The following ARHGAP18 variants were observed in gnomAD, a reference collection of about 807,000 sequenced individuals.
ARHGAP18 encodes rho GTPase-activating protein 18.
ARHGAP18 carries 67 observed loss-of-function variants against 86.2 expected under a neutral mutation model. The ratio of observed to expected loss-of-function variants is 0.78; its 90% CI spans 0.64 to 0.95. The LOEUF is 0.95. Among genes scored for constraint, ARHGAP18 ranks in the 40% least tolerant of loss-of-function variants. ARHGAP18 has a pLI of 0.00. For synonymous variants in ARHGAP18, 283 were observed against 280.4 expected (o/e 1.01, Z -0.09); for missense variants, 691 against 780.4 (o/e 0.89, Z 1.37).
At chr6:129,676,951 G>C (rs1374994427) in intron 1 of ARHGAP18, among the ~76,000 whole-genome samples, 1 of 102,088 alleles carries the variant, frequency 9.8e-6, no homozygotes, top group Non-Finnish European at 1.8e-5. Context: ...TTTTTTTTAA[G>C]GAAGGAAAAT....
chr6:129,684,132 G>C (rs1774384602), intron 1 of ARHGAP18, among the ~76,000 whole-genome samples: 1 of 152,216 alleles, frequency 6.6e-6, no homozygotes, highest in Admixed American at 6.5e-5. Context: ...TGACTCAGAT[G>C]TCAGGAGTGG....
intron 8 of ARHGAP18, among the ~76,000 whole-genome samples, chr6:129,609,663 C>T (rs1043670736): frequency 5.3e-5 from 8 of 151,220 alleles, no homozygotes; most frequent in Non-Finnish European, 8.8e-5. Context: ...TAGTGGCAAA[C>T]GTGCTATAGG....
Position 129,595,504 on chromosome 6 carries a change from G to C in ARHGAP18, c.1713+3712C>G, listed in dbSNP as rs144192012. On this transcript the variant is annotated intron_variant, in intron 12 of 14. Coordinates refer to ENST00000368149, the MANE Select transcript of ARHGAP18 (RefSeq NM_033515.3). Reference sequence around the variant, plus strand: ...TGAAGAGCATGGCTTTCAGGACTTTGCCACATGCTGCTGTTCTCTGGAAGA... The same window carrying C: ...TGAAGAGCATGGCTTTCAGGACTTTCCCACATGCTGCTGTTCTCTGGAAGA... Among the ~76,000 whole-genome samples the C allele has an allele frequency of 9.9e-3, 1,507 of 152,250 alleles. 8 individuals are homozygous for C. Among genetic ancestry groups the C allele is most frequent in the Non-Finnish European group, 0.017 (1,145 of 68,020 alleles).
In ARHGAP18 at chr6:129,641,877, G is replaced by C. The variant is rs779932719; in HGVS notation, c.255C>G (p.Ile85Met). The C allele has an allele frequency of 6.2e-7, 1 of 1,613,864 alleles. No individual in the cohort carries two copies. Among genetic ancestry groups the C allele is most frequent in the Non-Finnish European group, 8.5e-7 (1 of 1,179,900 alleles). Residue 85 changes from isoleucine (I) to methionine (M), a missense_variant, in exon 2 of 15, where the codon ATC becomes ATG. By Grantham distance (10) the Ile-to-Met change is conservative. Transcript: ENST00000368149. ...CTTGGCTGTTTTCACTAGATTTCTT[G>C]ATGTTTTCTAGTTCTATCCAATAGT... ...MEDYWIELEN[I>M]KKSSENSQED...
intron 1 of ARHGAP18, among the ~76,000 whole-genome samples, chr6:129,690,190 T>G (rs761426755): frequency 2.9e-4 from 44 of 152,066 alleles, no homozygotes; most frequent in Non-Finnish European, 6.0e-4. Context: ...TAAGTAAAAA[T>G]GCACCAACAA....
chr6:129,609,722 C>T (rs1035815553), intron 8 of ARHGAP18, among the ~76,000 whole-genome samples: 6 of 152,204 alleles, frequency 3.9e-5, no homozygotes, highest in Admixed American at 6.5e-5. Context: ...ACAAACACCA[C>T]AGTTTCAGGG....
At chr6:129,581,754 G>A (rs1290415327) in intron 13 of ARHGAP18, among the ~76,000 whole-genome samples, 1 of 152,124 alleles carries the variant, frequency 6.6e-6, no homozygotes, top group East Asian at 1.9e-4. Flanking sequence ...CGAGGTGGGG[G>A]AGAAAAAGAA....
intron 1 of ARHGAP18, among the ~76,000 whole-genome samples, chr6:129,686,132 C>T (rs1429244682): frequency 6.6e-6 from 1 of 152,188 alleles, no homozygotes; most frequent in Non-Finnish European, 1.5e-5. Context: ...CTTCTCGGAA[C>T]CCAACTCTTA....
intron 1 of ARHGAP18, among the ~76,000 whole-genome samples, chr6:129,666,340 A>C (rs961343577): frequency 2.6e-5 from 4 of 152,254 alleles, no homozygotes; most frequent in African/African-American, 9.6e-5. Flanking sequence ...GCAAGTGTCT[A>C]GCCACACCAC....
chr6:129,677,726 T>G (rs1774261044), intron 1 of ARHGAP18, among the ~76,000 whole-genome samples: 5 of 152,204 alleles, frequency 3.3e-5, no homozygotes. Context: ...ATCATTAAGG[T>G]ACCTTGAAAA....
intron 1 of ARHGAP18, among the ~76,000 whole-genome samples, chr6:129,686,967 CTTTT>C (rs755926635): frequency 2.6e-3 from 187 of 72,508 alleles, no homozygotes; most frequent in African/African-American, 8.9e-3. Flanking sequence ...ATTTTTTTTT[CTTTT>C]TTTTTTCTTT....
At chr6:129,659,028 T>A (rs1773897281) in intron 1 of ARHGAP18, among the ~76,000 whole-genome samples, 1 of 152,248 alleles carries the variant, frequency 6.6e-6, no homozygotes, top group Admixed American at 6.5e-5. Flanking sequence ...TTAATGTTAA[T>A]TTTAACCCAC....
At chr6:129,626,668 C>CACAT (rs1201354784) in intron 5 of ARHGAP18, among the ~76,000 whole-genome samples, 2 of 89,218 alleles carry the variant, frequency 2.2e-5, no homozygotes, top group Non-Finnish European at 5.2e-5. Flanking sequence ...AAAACACACA[C>CACAT]ACATACACAC....
chr6:129,588,782 G>T (rs1233477020), intron 12 of ARHGAP18, among the ~76,000 whole-genome samples: 2 of 152,216 alleles, frequency 1.3e-5, no homozygotes, highest in African/African-American at 2.4e-5. Flanking sequence ...AGCAAATTTT[G>T]CCTGGACATC....
chr6:129,672,637 C>T (rs950161348), intron 1 of ARHGAP18, among the ~76,000 whole-genome samples: 5 of 152,180 alleles, frequency 3.3e-5, no homozygotes, highest in Non-Finnish European at 7.3e-5. Context: ...ATGGCTGTCC[C>T]CAGTATGCTG....
Position 129,576,323 on chromosome 6 carries a change from T to C in ARHGAP18, c.*2190A>G, listed in dbSNP as rs1324368378. The C allele has an allele frequency of 2.0e-5, 3 of 152,142 alleles. No homozygotes were observed. Among genetic ancestry groups the C allele is most frequent in the African/African-American group, 4.8e-5 (2 of 41,430 alleles). The allele number at this position is 152,142 out of a possible 1,614,324, so 9.4% of individuals were successfully genotyped here. A position where few individuals can be genotyped will look rare whatever the true frequency, so the allele number is the denominator to read the frequency against. On this transcript the variant is annotated 3_prime_UTR_variant, in exon 15 of 15. Transcript: ENST00000368149. ...TTTTTTTTCTCTTTAGAGCCAGGCA[T>C]GGTGGCATGCACCTGTGGTCCTAGC...
At position 129,636,408 on chromosome 6, in the gene ARHGAP18, A is replaced by G. The variant is rs150647812; in HGVS notation, c.552+1986T>C. 6.2e-3 allele frequency among the ~76,000 whole-genome samples: 939 copies of G among 152,346 alleles called. 11 individuals carry two copies. Among genetic ancestry groups the G allele is most frequent in the African/African-American group, 0.022 (905 of 41,564 alleles). On this transcript the variant is annotated intron_variant, in intron 3 of 14. Coordinates refer to ENST00000368149, the MANE Select transcript of ARHGAP18 (RefSeq NM_033515.3). ...AACCCTTTCATTCCTTTTTTAACATAAATAATCGTTCAATTTTTGTTATCT... is the reference window on the plus strand; with the variant it reads ...AACCCTTTCATTCCTTTTTTAACATGAATAATCGTTCAATTTTTGTTATCT...
chr6:129,635,501 T>C (rs1393000614), intron 3 of ARHGAP18, among the ~76,000 whole-genome samples: 1 of 152,210 alleles, frequency 6.6e-6, no homozygotes, highest in Non-Finnish European at 1.5e-5. Flanking sequence ...AGGCTGGCCC[T>C]GCATGGCACA....
rs1562696560 is a variant in ARHGAP18 at position 129,625,185 on chromosome 6, T to TA, written c.786+4167_786+4168insT. 1.5e-4 allele frequency among the ~76,000 whole-genome samples: 13 copies of TA among 85,282 alleles called. 1 individual carries two copies. Among genetic ancestry groups the TA allele is most frequent in the African/African-American group, 2.2e-4 (4 of 18,484 alleles). The allele number at this position is 85,282 out of a possible 152,430, so 55.9% of individuals were successfully genotyped here. A position where few individuals can be genotyped will look rare whatever the true frequency, so the allele number is the denominator to read the frequency against. On this transcript the variant is annotated intron_variant, in intron 5 of 14. Transcript: ENST00000368149. ...TATATTATATATGATATATTATATA[T>TA]TATATATGATATATATTTATATGTA... is the stretch of plus-strand genomic sequence containing the variant.
Sources: gnomAD v4.1 joint callset for allele counts (sites outside exome capture counted in the v4.1 genomes callset) on GRCh38, gnomAD v4.1.1 for gene constraint, MANE v1.5 for transcripts, NCBI Gene and HGNC (gene_info 2026-07-23, HGNC 2026-07-21) for gene names.